Variants in EBNA1BP2 observed in about 807,000 individuals in gnomAD.
EBNA1BP2 encodes the protein EBNA1 binding protein 2.
A neutral mutation model predicts 43.5 loss-of-function variants in EBNA1BP2; 36 were observed. The ratio of observed to expected loss-of-function variants is 0.83; its 90% CI spans 0.63 to 1.09. The LOEUF is 1.09. Among genes scored for constraint, EBNA1BP2 ranks in the 50% least tolerant of loss-of-function variants. The pLI is 0.00. For missense variants in EBNA1BP2, 332 were observed against 379.1 expected (o/e 0.88, Z 1.03); for synonymous variants, 127 against 141.3 (o/e 0.90, Z 0.72).
At chr1:43,172,562 C>T (rs1159287657), upstream of EBNA1BP2, 1 of 407,460 alleles carries the variant, frequency 2.5e-6, no homozygotes, top group Non-Finnish European at 3.9e-6. Flanking sequence ...AGGAGGACCC[C>T]GGGGGAGGGG....
At chr1:43,171,789 G>A (rs1569736870) in intron 2 of EBNA1BP2, 97 bp downstream of exon 2, 8 of 1,572,068 alleles carry the variant, frequency 5.1e-6, no homozygotes, top group African/African-American at 2.7e-5. Flanking sequence ...GAGGCGCAGG[G>A]TGCATCTTTC....
upstream of EBNA1BP2, chr1:43,172,488 C>T: frequency 6.7e-7 from 1 of 1,485,506 alleles, no homozygotes; most frequent in East Asian, 2.7e-5. Context: ...CCAGAAGGAG[C>T]TGGTAGCAGT....
chr1:43,164,628 C>T lies in EBNA1BP2; in HGVS notation c.870+15G>A. The stretch of plus-strand genomic sequence containing the variant: ...GCTGAGCCTGCTCCTCACCCGGGCA[C>T]CTGGGCTCACTTACATTTGACCCTT... On this transcript the variant is annotated intron_variant, in intron 8 of 8. Coordinates refer to ENST00000236051, the MANE Select transcript of EBNA1BP2 (RefSeq NM_006824.3). 1.1e-5 allele frequency: 18 copies of T among 1,614,092 alleles called. No homozygotes were observed. Among genetic ancestry groups the T allele is most frequent in the Non-Finnish European group, 1.5e-5 (18 of 1,180,008 alleles).
At chr1:43,166,748 C>T in intron 7 of EBNA1BP2, 78 bp downstream of exon 7, 1 of 1,421,792 alleles carries the variant, frequency 7.0e-7, no homozygotes, top group Non-Finnish European at 9.7e-7. Context: ...GGTGGAGGTG[C>T]TATGTCTGCC....
chr1:43,166,801 G>A (rs1644921320), intron 7 of EBNA1BP2, 25 bp downstream of exon 7: 1 of 1,595,554 alleles, frequency 6.3e-7, no homozygotes, highest in African/African-American at 1.4e-5. Context: ...CAGAACCAAA[G>A]AAACCATGCC....
chr1:43,170,988 C>T, intron 3 of EBNA1BP2, 109 bp from the exon 4 acceptor site: 1 of 1,404,588 alleles, frequency 7.1e-7, no homozygotes, highest in Non-Finnish European at 9.3e-7. Context: ...CAAAATCTGA[C>T]CTCCATTAGC....
intron 5 of EBNA1BP2, among the ~76,000 whole-genome samples, chr1:43,168,591 C>T (rs1644933253): frequency 6.6e-6 from 1 of 152,156 alleles, no homozygotes; most frequent in Non-Finnish European, 1.5e-5. Flanking sequence ...GGAAAACAGG[C>T]ACAGATTCCT....
In EBNA1BP2 at chr1:43,169,012, T is replaced by C; in HGVS notation, c.464A>G (p.Gln155Arg). The C allele has an allele frequency of 6.2e-7, 1 of 1,614,116 alleles. No individual in the cohort carries two copies. Among genetic ancestry groups the C allele is most frequent in the Non-Finnish European group, 8.5e-7 (1 of 1,180,016 alleles). ...LQMQKIRQKL[Q>R]TKQAAMERSE... ...CCTCTCCATGGCAGCCTGTTTAGTC[T>C]GCAGCTTCTGTCGAATCTACAACAC... Residue 155 changes from glutamine (Q) to arginine (R), a missense_variant, in exon 5 of 9, where the codon CAG becomes CGG. Around this residue, in one of 3 missense-constraint regions of EBNA1BP2, gnomAD observed 91 missense variants for 152.1 expected, o/e 0.60. Coordinates refer to ENST00000236051, the MANE Select transcript of EBNA1BP2 (RefSeq NM_006824.3).
At chr1:43,170,033 A>G (rs528208505) in intron 4 of EBNA1BP2, among the ~76,000 whole-genome samples, 1 of 152,344 alleles carries the variant, frequency 6.6e-6, no homozygotes, top group Non-Finnish European at 1.5e-5. Flanking sequence ...CCACGAAACT[A>G]GTCTCTAGTG....
At chr1:43,171,107 A>C in intron 3 of EBNA1BP2, 1 of 551,650 alleles carries the variant, frequency 1.8e-6, no homozygotes, top group Non-Finnish European at 2.9e-6. Flanking sequence ...GTTTAAGAGA[A>C]TGACTACTCT....
At chr1:43,164,875 C>T (rs1261193749) in intron 7 of EBNA1BP2, 70 bp from the exon 8 acceptor site, 1 of 1,567,792 alleles carries the variant, frequency 6.4e-7, no homozygotes, top group Non-Finnish European at 8.6e-7. Context: ...CCCAGCAATG[C>T]TCTCAGTTTC....
upstream of EBNA1BP2, chr1:43,172,437 C>A (rs748599649): frequency 3.2e-6 from 5 of 1,549,722 alleles, no homozygotes; most frequent in Non-Finnish European, 3.5e-6. Context: ...GTCTGCTGAC[C>A]CAGAGAGAAA....
At chr1:43,172,304 G>C, upstream of EBNA1BP2, 6 of 1,551,798 alleles carry the variant, frequency 3.9e-6, no homozygotes, top group Non-Finnish European at 5.2e-6. Flanking sequence ...TTTTGATTGG[G>C]ACTTCCGCTT....
rs1331462275 is a variant in EBNA1BP2, at chr1:43,171,973, CA to C, written c.67-5del. 2 of 1,614,184 alleles carry C rather than the reference CA, an allele frequency of 1.2e-6. No individual in the cohort carries two copies. The highest frequency in any genetic ancestry group is 2.2e-5 in the South Asian group (2 of 91,076). On this transcript the variant is annotated splice_region_variant and splice_polypyrimidine_tract_variant and intron_variant, in intron 1 of 8. Transcript: ENST00000236051. ...CTCGGGAAAACGCATCCTGCAACTG[CA>C]GGACACAATCACGGTCACTCCCAGG...
At chr1:43,171,395 G>A (rs570478255) in intron 3 of EBNA1BP2, 84 bp downstream of exon 3, 1 of 1,499,218 alleles carries the variant, frequency 6.7e-7, no homozygotes, top group South Asian at 1.3e-5. Context: ...GGCTTATTCT[G>A]AGTGCAGACT....
Position 43,171,579 on chromosome 1 carries a change from C to G in EBNA1BP2, c.223G>C (p.Gly75Arg). 1 of 1,614,156 alleles carries G rather than the reference C, an allele frequency of 6.2e-7. No individual in the cohort carries two copies. The change falls in exon 3 of 9, where the codon GGT becomes CGT. Residue 75 changes from glycine to arginine, a missense_variant. Around this residue, in one of 3 missense-constraint regions of EBNA1BP2, gnomAD observed 182 missense variants for 173.7 expected, o/e 1.05. Coordinates refer to ENST00000236051, the MANE Select transcript of EBNA1BP2 (RefSeq NM_006824.3). ...EWVERLDVTL[G>R]PVPEIGGSEA... is the part of the protein sequence containing the mutation. ...GATCCACCGATCTCCGGTACCGGAC[C>G]CAGTGTCACATCGAGCCTTTCAACC...
chr1:43,171,646 G>A lies in EBNA1BP2; in HGVS notation c.156C>T (p.Gly52=). 6.2e-7 allele frequency: 1 copy of A among 1,613,116 alleles called. No individual in the cohort carries two copies. The highest frequency in any genetic ancestry group is 8.5e-7 in the Non-Finnish European group (1 of 1,179,658). Residue 52 remains glycine (G), a synonymous_variant, in exon 3 of 9, where the codon GGC becomes GGT. Coordinates refer to ENST00000236051, the MANE Select transcript of EBNA1BP2 (RefSeq NM_006824.3). ...GPKKAVNDVN[G]LKQCLAEFKR... is the part of the protein sequence containing the mutation. ...TGAATTCTGCCAAACATTGCTTCAGGCCATTCTAGGAAATCCAGACACTGA... is the reference window on the plus strand; with the variant it reads ...TGAATTCTGCCAAACATTGCTTCAGACCATTCTAGGAAATCCAGACACTGA...
In EBNA1BP2 at chr1:43,167,232, G is replaced by A; in HGVS notation, c.541C>T (p.Gln181Ter). The change falls in exon 6 of 9, where the codon CAA becomes TAA. Residue 181 changes from glutamine (Q) to a stop codon, truncating the protein, a stop_gained. Transcript: ENST00000236051. LOFTEE classifies it high-confidence loss of function. Reference sequence around the variant, plus strand: ...TGCCTCTTCTGAAGAACCTCCGTTTGCACCTGTGATATGAACACAAGGACC... The same window carrying A: ...TGCCTCTTCTGAAGAACCTCCGTTTACACCTGTGATATGAACACAAGGACC... ...RALRKYGKKVQTEVLQKRQQE... is the reference protein window; with the variant it reads ...RALRKYGKKV 6.2e-7 allele frequency: 1 copy of A among 1,614,034 alleles called. No individual in the cohort carries two copies. Among genetic ancestry groups the A allele is most frequent in the Non-Finnish European group, 8.5e-7 (1 of 1,180,010 alleles).
At chr1:43,166,950 C>A in intron 6 of EBNA1BP2, 31 bp from the exon 7 acceptor site, 2 of 1,600,304 alleles carry the variant, frequency 1.2e-6, no homozygotes, top group Non-Finnish European at 1.7e-6. Context: ...TTGATCAGCA[C>A]CATTGTATTT....
Sources: gnomAD v4.1 joint callset for allele counts (sites outside exome capture counted in the v4.1 genomes callset) on GRCh38, gnomAD v4.1.1 for gene constraint, gnomAD v4.1.1 regional missense constraint, MANE v1.5 for transcripts, NCBI Gene and HGNC (gene_info 2026-07-23, HGNC 2026-07-21) for gene names.